Variants in MPRIP observed in about 807,000 individuals in gnomAD.
The protein encoded by MPRIP is myosin phosphatase Rho interacting protein.
In MPRIP, 59 loss-of-function variants were observed where a neutral mutation model predicts 234.9. The ratio of observed to expected loss-of-function variants is 0.25; its 90% CI spans 0.20 to 0.31. MPRIP has a LOEUF of 0.31. Ranked by LOEUF, MPRIP falls within the 10% of genes least tolerant of loss-of-function variation. The pLI, the probability that MPRIP is intolerant of heterozygous loss-of-function variation, is 1.00. For missense variants in MPRIP, 2,436 were observed against 3,071.0 expected (o/e 0.79, Z 4.89); for synonymous variants, 1,144 against 1,263.9 (o/e 0.91, Z 2.01).
chr17:17,121,041 C>T (rs1323383298), intron 3 of MPRIP, among the ~76,000 whole-genome samples: 3 of 152,196 alleles, frequency 2.0e-5, no homozygotes, highest in Non-Finnish European at 2.9e-5. Context: ...GGGGGACCAG[C>T]TCTGGAACCA....
intron 4 of MPRIP, among the ~76,000 whole-genome samples, chr17:17,130,010 C>T (rs2090565104): frequency 6.6e-6 from 1 of 152,230 alleles, no homozygotes; most frequent in African/African-American, 2.4e-5. Context: ...AGGAGAGGGG[C>T]TCAGGACCCT....
intron 3 of MPRIP, among the ~76,000 whole-genome samples, chr17:17,084,230 G>A (rs2089533058): frequency 6.6e-6 from 1 of 152,208 alleles, no homozygotes; most frequent in South Asian, 2.1e-4. Context: ...CTGTGGTGAA[G>A]CTCATACCTT....
At chr17:17,143,039 A>G (rs1211054654) in intron 8 of MPRIP, among the ~76,000 whole-genome samples, 1 of 152,222 alleles carries the variant, frequency 6.6e-6, no homozygotes, top group Non-Finnish European at 1.5e-5. Context: ...CAGCCCAGCA[A>G]CAAGGCTGAA....
intron 21 of MPRIP, among the ~76,000 whole-genome samples, chr17:17,176,997 C>T (rs1361634799): frequency 6.6e-6 from 1 of 152,314 alleles, no homozygotes; most frequent in African/African-American, 2.4e-5. Flanking sequence ...TCGGGCAATC[C>T]CGGAACTGCC....
At chr17:17,066,003 C>T (rs529609946) in intron 1 of MPRIP, among the ~76,000 whole-genome samples, 1 of 152,244 alleles carries the variant, frequency 6.6e-6, no homozygotes, top group Middle Eastern at 3.4e-3. Flanking sequence ...GATCCTGTAT[C>T]CTGAAACTTT....
In MPRIP at chr17:17,165,300, A is replaced by T; in HGVS notation, c.3709A>T (p.Thr1237Ser). 1.5e-6 allele frequency: 2 copies of T among 1,304,052 alleles called. No homozygotes were observed. Among genetic ancestry groups the T allele is most frequent in the Non-Finnish European group, 2.0e-6 (2 of 988,952 alleles). The allele number at this position is 1,304,052 out of a possible 1,614,324, so 80.8% of individuals were successfully genotyped here. A position where few individuals can be genotyped will look rare whatever the true frequency, so the allele number is the denominator to read the frequency against. The change falls in exon 16 of 24, where the codon ACA (threonine) becomes TCA (serine). Residue 1237 changes from threonine to serine, a missense_variant. Physicochemically the swap from Thr to Ser is moderately conservative, Grantham distance 58. This residue lies in a region of MPRIP where 1,998 missense variants were observed against 2,520.3 expected (regional missense o/e 0.79). Transcript: ENST00000651222. ...AGAGCCACGGAGTACCCCTGAAGAGACAGAAAGGGATGGCACTTTGCTCCC... is the reference window on the plus strand; with the variant it reads ...AGAGCCACGGAGTACCCCTGAAGAGTCAGAAAGGGATGGCACTTTGCTCCC... ...MEEPRSTPEE[T>S]ERDGTLLPGQ...
At chr17:17,137,840 C>CT in intron 6 of MPRIP, 76 bp from the exon 7 acceptor site, 2 of 1,394,944 alleles carry the variant, frequency 1.4e-6, no homozygotes, top group Non-Finnish European at 1.9e-6. Context: ...CCTACATGGG[C>CT]TTTAAAAAAA....
At chr17:17,065,569 A>C (rs1404191671) in intron 1 of MPRIP, among the ~76,000 whole-genome samples, 1 of 152,106 alleles carries the variant, frequency 6.6e-6, no homozygotes, top group African/African-American at 2.4e-5. Context: ...CACAGTCTTC[A>C]TTACTGTGGA....
chr17:17,110,171 C>G (rs1232271113), intron 3 of MPRIP, among the ~76,000 whole-genome samples: 1 of 152,110 alleles, frequency 6.6e-6, no homozygotes, highest in Non-Finnish European at 1.5e-5. Context: ...CACTCCCGCC[C>G]TCCTCTCTGA....
intron 1 of MPRIP, among the ~76,000 whole-genome samples, chr17:17,069,262 A>G (rs1354047022): frequency 6.6e-6 from 1 of 152,108 alleles, no homozygotes; most frequent in African/African-American, 2.4e-5. Flanking sequence ...CCTTAGATTA[A>G]TATTTTCAGG....
intron 23 of MPRIP, among the ~76,000 whole-genome samples, chr17:17,180,913 T>C (rs2046361349): frequency 1.3e-5 from 2 of 152,236 alleles, no homozygotes; most frequent in South Asian, 4.1e-4. Context: ...TCAGCATGCA[T>C]GTTGGATAAT....
At chr17:17,043,361 G>C (rs1200806350) in intron 1 of MPRIP, among the ~76,000 whole-genome samples, 6 of 152,162 alleles carry the variant, frequency 3.9e-5, no homozygotes, top group African/African-American at 1.4e-4. Context: ...TGTTGGGGAG[G>C]ACTGTGGGCT....
At chr17:17,072,285 G>T (rs1257447246) in intron 1 of MPRIP, among the ~76,000 whole-genome samples, 1 of 152,172 alleles carries the variant, frequency 6.6e-6, no homozygotes, top group African/African-American at 2.4e-5. Context: ...TCAGGACCTA[G>T]GTTATGTAAG....
At chr17:17,048,133 G>T (rs1028619303) in intron 1 of MPRIP, among the ~76,000 whole-genome samples, 2 of 152,264 alleles carry the variant, frequency 1.3e-5, no homozygotes, top group Admixed American at 6.5e-5. Flanking sequence ...CTACTTCTTT[G>T]TCTAGCCCTG....
intron 5 of MPRIP, among the ~76,000 whole-genome samples, chr17:17,134,493 G>A (rs760525813): frequency 1.3e-5 from 2 of 152,190 alleles, no homozygotes; most frequent in African/African-American, 2.4e-5. Flanking sequence ...GTTTGCTTCC[G>A]AGAAGCTGGC....
chr17:17,144,374 C>T (rs1041809134), intron 9 of MPRIP, among the ~76,000 whole-genome samples: 5 of 152,214 alleles, frequency 3.3e-5, no homozygotes, highest in African/African-American at 1.2e-4. Context: ...GTTTTTCCTT[C>T]AGTCTGGGTT....
Position 17,140,362 on chromosome 17 carries a change from G to A in MPRIP, c.1250+1933G>A, listed in dbSNP as rs941420322. Reference sequence around the variant, plus strand: ...TACTCTGCATGCACTGCCACACGGGGATGGGTTTTCACCTGGTGCTGGCCC... The same window carrying A: ...TACTCTGCATGCACTGCCACACGGGAATGGGTTTTCACCTGGTGCTGGCCC... On this transcript the variant is annotated intron_variant, in intron 7 of 23. Transcript: ENST00000651222. Among the ~76,000 whole-genome samples the A allele has an allele frequency of 9.2e-5, 14 of 152,270 alleles. No individual in the cohort carries two copies. The South Asian group carries it at 2.7e-3, about 29-fold the overall frequency.
In MPRIP at chr17:17,192,194, A is replaced by C. The variant is rs1206943843; in HGVS notation, c.*7300A>C. 2.6e-5 allele frequency: 4 copies of C among 152,220 alleles called. No individual in the cohort carries two copies. The highest frequency in any genetic ancestry group is 4.8e-5 in the African/African-American group (2 of 41,458). 9.4% of individuals were successfully genotyped at this position (152,220 alleles called of 1,614,324 possible). On this transcript the variant is annotated 3_prime_UTR_variant, in exon 24 of 24. Transcript: ENST00000651222. ...AAACGTTCTGTCACATGATGAAAAG[A>C]AGCAGCTTGTATAATTCCAACTGGT...
chr17:17,092,359 A>G (rs1407853210), intron 3 of MPRIP, among the ~76,000 whole-genome samples: 2 of 152,088 alleles, frequency 1.3e-5, no homozygotes, highest in Non-Finnish European at 2.9e-5. Context: ...TCAGGTGCAC[A>G]CTGTTTGGTC....
Sources: gnomAD v4.1 joint callset for allele counts (sites outside exome capture counted in the v4.1 genomes callset) on GRCh38, gnomAD v4.1.1 for gene constraint, gnomAD v4.1.1 regional missense constraint, MANE v1.5 for transcripts, NCBI Gene and HGNC (gene_info 2026-07-23, HGNC 2026-07-21) for gene names.